Variants in PEBP4 observed in about 807,000 individuals in gnomAD.
PEBP4 encodes phosphatidylethanolamine-binding protein 4.
PEBP4 carries 22 observed loss-of-function variants against 23.9 expected under a neutral mutation model. The ratio of observed to expected loss-of-function variants is 0.92; its 90% CI spans 0.66 to 1.31. The LOEUF (loss-of-function observed/expected upper bound fraction) is 1.31, where lower values mean the gene tolerates loss of function less well. PEBP4 is among the 40% of genes most tolerant of loss of function. The pLI is 0.00. For synonymous variants in PEBP4, 112 were observed against 99.3 expected, an observed-to-expected ratio of 1.13 and a Z score of -0.76; for missense variants, 324 against 281.7, an observed-to-expected ratio of 1.15 and a Z score of -1.07.
intron 3 of PEBP4, among the ~76,000 whole-genome samples, chr8:22,874,453 GT>G (rs1182229482): frequency 6.6e-6 from 1 of 152,134 alleles, no homozygotes; most frequent in Non-Finnish European, 1.5e-5. Flanking sequence ...AAAAGAAATA[GT>G]TATAAACTTG....
intron 4 of PEBP4, among the ~76,000 whole-genome samples, chr8:22,746,445 T>G (rs1285663992): frequency 4.6e-5 from 7 of 151,476 alleles, no homozygotes; most frequent in African/African-American, 7.3e-5. Context: ...GTGGGGAGAG[T>G]GTTAGTCTCC....
At chr8:22,785,348 T>C (rs969183752) in intron 4 of PEBP4, among the ~76,000 whole-genome samples, 4 of 152,132 alleles carry the variant, frequency 2.6e-5, no homozygotes, top group African/African-American at 9.7e-5. Flanking sequence ...GGGCCACCTA[T>C]GGGAATCTGG....
intron 3 of PEBP4, among the ~76,000 whole-genome samples, chr8:22,919,598 A>G (rs1369787877): frequency 6.6e-6 from 1 of 152,200 alleles, no homozygotes; most frequent in Non-Finnish European, 1.5e-5. Flanking sequence ...GCCCAGTAAA[A>G]TAGTTATTTC....
intron 4 of PEBP4, among the ~76,000 whole-genome samples, chr8:22,752,253 T>C (rs1430624942): frequency 6.6e-6 from 1 of 152,136 alleles, no homozygotes; most frequent in Non-Finnish European, 1.5e-5. Flanking sequence ...TATCAGGAGA[T>C]GGGTGTTTTC....
intron 3 of PEBP4, among the ~76,000 whole-genome samples, chr8:22,898,542 G>C (rs776555245): frequency 6.6e-6 from 1 of 151,814 alleles, no homozygotes. Flanking sequence ...TAATACTCAG[G>C]TTCTCAATCA....
chr8:22,894,116 G>A (rs1435180894), intron 3 of PEBP4, among the ~76,000 whole-genome samples: 1 of 152,172 alleles, frequency 6.6e-6, no homozygotes, highest in African/African-American at 2.4e-5. Context: ...TGATTATCAA[G>A]TGTGATTACC....
intron 6 of PEBP4, among the ~76,000 whole-genome samples, chr8:22,722,253 C>G (rs892174138): frequency 1.3e-5 from 2 of 152,210 alleles, no homozygotes; most frequent in African/African-American, 4.8e-5. Context: ...CAGATCTCCT[C>G]CTTCTCTAGG....
intron 4 of PEBP4, among the ~76,000 whole-genome samples, chr8:22,788,420 G>A (rs780119498): frequency 2.6e-5 from 4 of 152,162 alleles, no homozygotes; most frequent in South Asian, 4.1e-4. Context: ...GAGAGGTGAC[G>A]CAGGGAGGGA....
At chr8:22,750,581 A>C (rs1332107429) in intron 4 of PEBP4, among the ~76,000 whole-genome samples, 3 of 151,850 alleles carry the variant, frequency 2.0e-5, no homozygotes, top group Admixed American at 2.0e-4. Flanking sequence ...CGTTGGGGTA[A>C]CTCCTGTTTC....
chr8:22,805,553 T>G (rs1427624832), intron 4 of PEBP4, among the ~76,000 whole-genome samples: 1 of 152,136 alleles, frequency 6.6e-6, no homozygotes, highest in Non-Finnish European at 1.5e-5. Context: ...TTTAAACTCT[T>G]AACCTCAGGT....
intron 4 of PEBP4, among the ~76,000 whole-genome samples, chr8:22,808,291 C>T (rs1806546217): frequency 6.6e-6 from 1 of 152,194 alleles, no homozygotes; most frequent in Non-Finnish European, 1.5e-5. Flanking sequence ...ACCAACCACC[C>T]ACCTATTCAA....
intron 3 of PEBP4, among the ~76,000 whole-genome samples, chr8:22,915,370 G>A (rs1208444789): frequency 6.6e-6 from 1 of 151,884 alleles, no homozygotes; most frequent in African/African-American, 2.4e-5. Flanking sequence ...CCATGGATGT[G>A]CCCCTGCCCT....
chr8:22,844,190 T>A (rs1009525482), intron 3 of PEBP4, among the ~76,000 whole-genome samples: 1 of 152,204 alleles, frequency 6.6e-6, no homozygotes, highest in East Asian at 1.9e-4. Flanking sequence ...AGGACGAGAC[T>A]GTACTAAAGG....
chr8:22,718,059 G>A (rs576485390), intron 6 of PEBP4, among the ~76,000 whole-genome samples: 21 of 152,272 alleles, frequency 1.4e-4, no homozygotes, highest in African/African-American at 4.6e-4. Flanking sequence ...CAATTACTCC[G>A]GGAGGAGATT....
At chr8:22,723,383 G>A (rs1563194250) in intron 6 of PEBP4, among the ~76,000 whole-genome samples, 1 of 152,108 alleles carries the variant, frequency 6.6e-6, no homozygotes, top group Non-Finnish European at 1.5e-5. Context: ...TCCCTTGTCT[G>A]TCCCTCCTCA....
intron 4 of PEBP4, among the ~76,000 whole-genome samples, chr8:22,752,912 C>T (rs1805299458): frequency 6.6e-6 from 1 of 152,176 alleles, no homozygotes; most frequent in South Asian, 2.1e-4. Flanking sequence ...TTTTACAGTC[C>T]AATTTCTCCT....
intron 4 of PEBP4, among the ~76,000 whole-genome samples, chr8:22,796,685 A>C (rs1236343512): frequency 6.6e-6 from 1 of 152,148 alleles, no homozygotes; most frequent in Non-Finnish European, 1.5e-5. Flanking sequence ...AAGTGAAATG[A>C]CTCAAACAGA....
In PEBP4 at chr8:22,713,292, G is replaced by A. The variant is rs1381967722; in HGVS notation, c.*78C>T. 11 of 1,482,514 alleles carry A rather than the reference G, an allele frequency of 7.4e-6. No individual in the cohort carries two copies. The highest frequency in any genetic ancestry group is 9.8e-6 in the Non-Finnish European group (11 of 1,116,892). The allele number at this position is 1,482,514 out of a possible 1,614,324, so 91.8% of individuals were successfully genotyped here. On this transcript the variant is annotated 3_prime_UTR_variant, in exon 7 of 7. Transcript: ENST00000256404. ...TTTTATTTGGAAAAGAAGGGGTTCTGTATCCAGAGGGGGTTCCATACCCAC... is the reference window on the plus strand; with the variant it reads ...TTTTATTTGGAAAAGAAGGGGTTCTATATCCAGAGGGGGTTCCATACCCAC...
intron 2 of PEBP4, among the ~76,000 whole-genome samples, chr8:22,927,127 G>A (rs898432297): frequency 6.6e-6 from 1 of 152,162 alleles, no homozygotes; most frequent in Non-Finnish European, 1.5e-5. Flanking sequence ...CTGCACAAAC[G>A]CTCCTGGGTC....
Sources: allele counts gnomAD v4.1 joint callset (sites outside exome capture counted in the v4.1 genomes callset), GRCh38; gene constraint gnomAD v4.1.1; transcripts MANE v1.5; gene names NCBI Gene and HGNC (gene_info 2026-07-23, HGNC 2026-07-21).